Variants in SMAP2 observed in about 807,000 individuals in gnomAD.
SMAP2 encodes the protein stromal membrane-associated protein 2.
In SMAP2, 25 loss-of-function variants were observed where a neutral mutation model predicts 56.4. The ratio of observed to expected loss-of-function variants is 0.44; its 90% CI spans 0.32 to 0.62. SMAP2 has a LOEUF of 0.62. SMAP2 is among the 20% of genes least tolerant of loss of function. The pLI, the probability that SMAP2 is intolerant of heterozygous loss-of-function variation, is 0.04. For synonymous variants in SMAP2, 157 were observed against 181.7 expected (o/e 0.86, Z 1.09); for missense variants, 388 against 545.6 (o/e 0.71, Z 2.88).
At chr1:40,395,549 G>T (rs1365556416) in intron 1 of SMAP2, among the ~76,000 whole-genome samples, 1 of 72,900 alleles carries the variant, frequency 1.4e-5, no homozygotes, top group Non-Finnish European at 2.8e-5. Context: ...AATAAAACAG[G>T]GCAGTAAGAT....
intron 1 of SMAP2, among the ~76,000 whole-genome samples, chr1:40,377,153 T>G (rs560999558): frequency 5.3e-5 from 8 of 152,094 alleles, no homozygotes; most frequent in Non-Finnish European, 8.8e-5. Context: ...GGGTGTGGTG[T>G]TGTGCATCTG....
intron 1 of SMAP2, among the ~76,000 whole-genome samples, chr1:40,360,004 C>CTTTTTTTTTTTTT (rs775408458): frequency 2.9e-4 from 30 of 102,478 alleles, no homozygotes; most frequent in Admixed American, 4.0e-4. Context: ...CTTCTTCTTT[C>CTTTTTTTTTTTTT]TTTTTTTTTT....
At chr1:40,355,865 C>G (rs763739274) in intron 1 of SMAP2, among the ~76,000 whole-genome samples, 6 of 102,768 alleles carry the variant, frequency 5.8e-5, no homozygotes, top group East Asian at 2.1e-4. Flanking sequence ...CTGCCTCAGC[C>G]CCCCCAAAAT....
chr1:40,357,082 A>G (rs981658973), intron 1 of SMAP2, among the ~76,000 whole-genome samples: 10 of 152,044 alleles, frequency 6.6e-5, no homozygotes, highest in African/African-American at 2.4e-4. Flanking sequence ...TGTCAGATGA[A>G]TGGTTTGCAC....
At chr1:40,414,043 ACT>A (rs1473739771) in intron 5 of SMAP2, 114 bp from the exon 6 acceptor site, 10 of 840,664 alleles carry the variant, frequency 1.2e-5, no homozygotes, top group Middle Eastern at 2.3e-4. Flanking sequence ...TTCTTTGGTA[ACT>A]CTCTTTGAAT....
chr1:40,403,516 A>G (rs1285712814), intron 1 of SMAP2, among the ~76,000 whole-genome samples: 1 of 152,186 alleles, frequency 6.6e-6, no homozygotes, highest in East Asian at 1.9e-4. Flanking sequence ...AAAAAATAAA[A>G]TAAAAAGAAG....
chr1:40,352,325 A>G lies in SMAP2; in HGVS notation c.-83+7415A>G, dbSNP rs115090524. Among the ~76,000 whole-genome samples, 754 of 152,018 alleles carry G rather than the reference A, an allele frequency of 5.0e-3. 8 individuals are homozygous for G. Among genetic ancestry groups the G allele is most frequent in the African/African-American group, 0.017 (723 of 41,466 alleles). On this transcript the variant is annotated intron_variant, in intron 1 of 6. Transcript: ENST00000435168. ...CTCACCCTCTGTCCAGCTTCTCCTA[A>G]TGCTTGCCACATGTAACCTCTCTAG...
chr1:40,347,262 T>G (rs1286784192), intron 1 of SMAP2, among the ~76,000 whole-genome samples: 1 of 149,826 alleles, frequency 6.7e-6, no homozygotes, highest in Non-Finnish European at 1.5e-5. Context: ...TTTTTTTTTT[T>G]TTTTTTAAAG....
At position 40,374,624 on chromosome 1, in the gene SMAP2, T is replaced by TGA. The variant is rs370811801; in HGVS notation, c.103+418_103+419dup. On this transcript the variant is annotated intron_variant, in intron 1 of 9. Transcript: ENST00000372718. This position sits in a 1 kb window ranked among gnomAD's most constrained non-coding sequence, Gnocchi z 5.9. ...GTGTGTGTGTGTGTGTGTGTGTGTG[T>TGA]GAGAGAGAGAGAGAGAGAATGACGA... The TGA allele has an allele frequency of 0.13, 100,470 of 746,268 alleles. 4,218 individuals are homozygous for TGA. The highest frequency in any genetic ancestry group is 0.16 in the Middle Eastern group (550 of 3,468). The allele number at this position is 746,268 out of a possible 1,614,324, so 46.2% of individuals were successfully genotyped here. A position where few individuals can be genotyped will look rare whatever the true frequency, so the allele number is the denominator to read the frequency against.
intron 1 of SMAP2, among the ~76,000 whole-genome samples, chr1:40,355,056 G>C (rs1644429560): frequency 1.3e-5 from 2 of 151,986 alleles, no homozygotes; most frequent in South Asian, 4.2e-4. Flanking sequence ...TGTTCTGCCA[G>C]CCTCACCCTC....
chr1:40,405,979 A>G lies in SMAP2; in HGVS notation c.104-757A>G, dbSNP rs974854387. ...GTAGGAACATCAGCCTAAGGGGAAA[A>G]GATCCTATTAAGTTAATGCGAATGC... On this transcript the variant is annotated intron_variant, in intron 1 of 9. Transcript: ENST00000372718. Among the ~76,000 whole-genome samples the G allele has an allele frequency of 9.2e-5, 14 of 152,362 alleles. 1 individual carries two copies. The highest frequency in any genetic ancestry group is 5.8e-4 in the East Asian group (3 of 5,192).
chr1:40,350,009 T>C (rs1207166936), intron 1 of SMAP2, among the ~76,000 whole-genome samples: 4 of 152,172 alleles, frequency 2.6e-5, no homozygotes, highest in African/African-American at 9.7e-5. Flanking sequence ...AGGGAGACAG[T>C]ACTCCCAGGC....
At chr1:40,414,332 T>G in intron 6 of SMAP2, 92 bp downstream of exon 6, 1 of 1,193,192 alleles carries the variant, frequency 8.4e-7, no homozygotes, top group South Asian at 1.3e-5. Flanking sequence ...GGTTCTCCAG[T>G]TTTGTCTTCA....
intron 1 of SMAP2, among the ~76,000 whole-genome samples, chr1:40,352,540 AT>A (rs1227920915): frequency 1.3e-5 from 2 of 150,206 alleles, no homozygotes; most frequent in South Asian, 2.1e-4. Flanking sequence ...AAGTTTTTCT[AT>A]TTTTTTTTAC....
chr1:40,388,831 C>T (rs1272275777), intron 1 of SMAP2, among the ~76,000 whole-genome samples: 2 of 152,214 alleles, frequency 1.3e-5, no homozygotes, highest in African/African-American at 2.4e-5. Context: ...TGGGTCCACA[C>T]TGCCTTTATG....
chr1:40,393,540 ACTTTT>A, intron 1 of SMAP2: 2 of 1,323,222 alleles, frequency 1.5e-6, no homozygotes, highest in Non-Finnish European at 2.0e-6. Flanking sequence ...AGTTCTTCTA[ACTTTT>A]TTTTTTTTTT....
At chr1:40,373,498 C>T (rs1038862515), upstream of SMAP2, among the ~76,000 whole-genome samples, 4 of 152,224 alleles carry the variant, frequency 2.6e-5, no homozygotes, top group African/African-American at 4.8e-5. Context: ...CTTCCATTCC[C>T]TCCACTCCCT....
At chr1:40,388,476 T>G (rs1644683511) in intron 1 of SMAP2, among the ~76,000 whole-genome samples, 1 of 152,132 alleles carries the variant, frequency 6.6e-6, no homozygotes, top group African/African-American at 2.4e-5. Flanking sequence ...TGTATCTAGC[T>G]ACTCTGGTGG....
At chr1:40,379,555 CTTTTTT>C (rs35398664) in intron 1 of SMAP2, among the ~76,000 whole-genome samples, 6 of 78,124 alleles carry the variant, frequency 7.7e-5, no homozygotes, top group East Asian at 4.3e-4. Flanking sequence ...TGTTGTCTCT[CTTTTTT>C]TTTTTTTTTT....
Sources: allele counts gnomAD v4.1 joint callset (sites outside exome capture counted in the v4.1 genomes callset), GRCh38; gene constraint gnomAD v4.1.1; non-coding constraint Gnocchi (gnomAD v3.1); transcripts MANE v1.5; gene names NCBI Gene and HGNC (gene_info 2026-07-23, HGNC 2026-07-21).